The following KIAA0513 variants were observed in gnomAD, a reference collection of about 807,000 sequenced individuals.
KIAA0513 encodes KIAA0513.
KIAA0513 carries 39 observed loss-of-function variants against 56.5 expected under a neutral mutation model. The observed-to-expected ratio is 0.69, with a 90% CI of 0.53 to 0.90. The LOEUF (loss-of-function observed/expected upper bound fraction) is 0.90. Among genes scored for constraint, KIAA0513 ranks in the 40% least tolerant of loss-of-function variants. The probability of loss-of-function intolerance (pLI) is 0.00; values close to 1 mark genes in which losing one functional copy is unlikely to be tolerated. For synonymous variants in KIAA0513, 268 were observed against 215.6 expected (o/e 1.24, Z -2.13); for missense variants, 591 against 535.2 (o/e 1.10, Z -1.03).
In KIAA0513 at chr16:85,066,898, A is replaced by G; in HGVS notation, c.-172-2A>G. The G allele has an allele frequency of 1.9e-6, 1 of 530,140 alleles. No individual in the cohort carries two copies. The highest frequency in any genetic ancestry group is 3.3e-6 in the Non-Finnish European group (1 of 301,582). The allele number at this position is 530,140 out of a possible 1,614,324, so 32.8% of individuals were successfully genotyped here. A position where few individuals can be genotyped will look rare whatever the true frequency, so the allele number is the denominator to read the frequency against. On this transcript the variant is annotated splice_acceptor_variant, in intron 1 of 12. Transcript: ENST00000683363. LOFTEE classifies it low-confidence loss of function (5UTR_SPLICE). ...ATGTCTGTGTCTGTGTTTCCATTCT[A>G]GATGCCGTAGGGCCAGGTGAGCTGC...
In KIAA0513 at chr16:85,066,885, G is replaced by C. The variant is rs1291146984; in HGVS notation, c.-172-15G>C. On this transcript the variant is annotated splice_polypyrimidine_tract_variant and intron_variant, in intron 1 of 12. Coordinates refer to ENST00000683363, the MANE Select transcript of KIAA0513 (RefSeq NM_001388359.1). ...AGGAGTGGCGCTAATGTCTGTGTCT[G>C]TGTTTCCATTCTAGATGCCGTAGGG... 4 of 528,156 alleles carry C rather than the reference G, an allele frequency of 7.6e-6. No homozygotes were observed. Among genetic ancestry groups the C allele is most frequent in the African/African-American group, 3.8e-5 (2 of 51,966 alleles). 32.7% of individuals were successfully genotyped at this position (528,156 alleles called of 1,614,324 possible). A position where few individuals can be genotyped will look rare whatever the true frequency, so the allele number is the denominator to read the frequency against.
At chr16:85,042,059 C>T (rs1047076583) in intron 1 of KIAA0513, among the ~76,000 whole-genome samples, 1 of 152,124 alleles carries the variant, frequency 6.6e-6, no homozygotes, top group Non-Finnish European at 1.5e-5. Context: ...AACACAAAGT[C>T]TAGAATTAAT....
At chr16:85,082,984 G>T (rs1262564907) in intron 10 of KIAA0513, among the ~76,000 whole-genome samples, 2 of 152,280 alleles carry the variant, frequency 1.3e-5, no homozygotes, top group Non-Finnish European at 2.9e-5. Flanking sequence ...AGACCTGAAA[G>T]CCTCACCCTT....
intron 1 of KIAA0513, among the ~76,000 whole-genome samples, chr16:85,058,567 G>A (rs142577309): frequency 1.3e-5 from 2 of 151,530 alleles, no homozygotes; most frequent in African/African-American, 2.4e-5. Flanking sequence ...CAGGAGAATC[G>A]CATGAATCCG....
rs200321460 is a variant in KIAA0513 at position 85,077,575 on chromosome 16, A to G, written c.725A>G (p.Lys242Arg). ...KNTSARTENV[K>R]GFFGGLETKL... ...ACCTCGGCCAGGACTGAGAATGTCA[A>G]GGGCTTCTTCGGGGGGCTGGAGACC... The change falls in exon 6 of 13, where the codon AAG becomes AGG. Residue 242 changes from lysine (K) to arginine (R), a missense_variant. Lys to Arg is a conservative substitution (Grantham distance 26). Transcript: ENST00000683363. 56 of 1,614,004 alleles carry G rather than the reference A, an allele frequency of 3.5e-5. 1 individual carries two copies. The Admixed American group carries it at 8.0e-4, about 23-fold the overall frequency.
chr16:85,067,194 T>C lies in KIAA0513; in HGVS notation c.123T>C (p.Gly41=). ...ACGGCGATGGCTCCCTGGGGGACGG[T>C]GCATCAGAGAGTGAGACCACTGAGT... ...LQDGDGSLGD[G]ASESETTESA... Residue 41 remains glycine, a synonymous_variant, in exon 2 of 13, where the codon GGT becomes GGC. Transcript: ENST00000683363. 6.2e-7 allele frequency: 1 copy of C among 1,614,134 alleles called. No homozygotes were observed. Among genetic ancestry groups the C allele is most frequent in the Non-Finnish European group, 8.5e-7 (1 of 1,180,012 alleles).
chr16:85,071,629 C>T (rs2073574921), intron 2 of KIAA0513, 154 bp from the exon 3 acceptor site: 1 of 184,270 alleles, frequency 5.4e-6, no homozygotes, highest in Non-Finnish European at 1.0e-5. Context: ...CCTCATGGGA[C>T]CGCCCGGAGG....
rs1182582749 is a variant in KIAA0513 at position 85,081,301 on chromosome 16, G to T, written c.903-14G>T. 2.5e-6 allele frequency: 4 copies of T among 1,612,876 alleles called. No individual in the cohort carries two copies. The highest frequency in any genetic ancestry group is 2.2e-5 in the South Asian group (2 of 90,852). On this transcript the variant is annotated splice_polypyrimidine_tract_variant and intron_variant, in intron 8 of 12. Coordinates refer to ENST00000683363, the MANE Select transcript of KIAA0513 (RefSeq NM_001388359.1). This position sits in a 1 kb window ranked among gnomAD's most constrained non-coding sequence, Gnocchi z 4.4. ...TCCCCTTGGAGAGAGTGTGACTGGG[G>T]CTCTGTCTTGCAGGCACACTCTGAG...
chr16:85,039,205 C>G (rs1320427558), intron 1 of KIAA0513, among the ~76,000 whole-genome samples: 1 of 152,196 alleles, frequency 6.6e-6, no homozygotes, highest in African/African-American at 2.4e-5. Flanking sequence ...CCATTGGAAG[C>G]CTATTTTAAC....
At chr16:85,033,012 G>A (rs1010536770) in intron 1 of KIAA0513, among the ~76,000 whole-genome samples, 2 of 152,074 alleles carry the variant, frequency 1.3e-5, no homozygotes, top group Non-Finnish European at 2.9e-5. Flanking sequence ...GGGTTGCGGC[G>A]GGTGTGCCTG....
chr16:85,085,603 T>C (rs1427362313), intron 10 of KIAA0513, among the ~76,000 whole-genome samples: 1 of 152,178 alleles, frequency 6.6e-6, no homozygotes, highest in African/African-American at 2.4e-5. Context: ...ATGGACGTGG[T>C]GTCCAGGGAG....
Position 85,044,296 on chromosome 16 carries a change from C to T in KIAA0513, c.-173+16438C>T, listed in dbSNP as rs182144061. The stretch of plus-strand genomic sequence containing the variant: ...CGCTGTGTGTGCAGGGACTCTAGTC[C>T]CCAGGAAGGCATGTCGAGTGTCCCC... On this transcript the variant is annotated intron_variant, in intron 1 of 12. Coordinates refer to ENST00000683363, the MANE Select transcript of KIAA0513 (RefSeq NM_001388359.1). Among the ~76,000 whole-genome samples, 269 of 152,128 alleles carry T rather than the reference C, an allele frequency of 1.8e-3. 1 individual carries two copies. The highest frequency in any genetic ancestry group is 5.7e-3 in the African/African-American group (238 of 41,482).
chr16:85,037,254 G>C (rs936332039), intron 1 of KIAA0513, among the ~76,000 whole-genome samples: 6 of 152,006 alleles, frequency 3.9e-5, no homozygotes, highest in Admixed American at 6.6e-5. Context: ...TGGCAAAAGT[G>C]ACCAATGAGC....
At chr16:85,032,523 G>A (rs1321202048) in intron 1 of KIAA0513, among the ~76,000 whole-genome samples, 1 of 152,074 alleles carries the variant, frequency 6.6e-6, no homozygotes, top group East Asian at 1.9e-4. Flanking sequence ...GGTAGACATG[G>A]GGTTTCGCCA....
intron 5 of KIAA0513, 78 bp from the exon 6 acceptor site, chr16:85,077,347 G>T (rs1182167900): frequency 3.1e-5 from 43 of 1,370,780 alleles, no homozygotes; most frequent in Non-Finnish European, 4.1e-5. Context: ...CCCCTGCGGG[G>T]CTCCCTCTGG....
intron 1 of KIAA0513, chr16:85,063,114 C>G (rs1335596073): frequency 6.6e-6 from 1 of 152,270 alleles, no homozygotes; most frequent in Non-Finnish European, 1.5e-5. Context: ...CTGTGCCTCT[C>G]CTGTGATATC....
At chr16:85,034,024 C>CT in intron 1 of KIAA0513, among the ~76,000 whole-genome samples, 1 of 152,284 alleles carries the variant, frequency 6.6e-6, no homozygotes, top group East Asian at 1.9e-4. Flanking sequence ...CCCCTCAATC[C>CT]TTCCTTCCTC....
intron 1 of KIAA0513, among the ~76,000 whole-genome samples, chr16:85,058,593 G>A (rs1458065590): frequency 2.6e-5 from 4 of 151,400 alleles, no homozygotes; most frequent in African/African-American, 9.7e-5. Flanking sequence ...CAAAGGTTGC[G>A]GTGAGCCAAG....
chr16:85,044,757 C>G (rs1394173383), intron 1 of KIAA0513, among the ~76,000 whole-genome samples: 1 of 152,042 alleles, frequency 6.6e-6, no homozygotes, highest in Admixed American at 6.5e-5. Context: ...CCGCCTGTCT[C>G]AGCCTCCCAA....
Sources: allele counts gnomAD v4.1 joint callset (sites outside exome capture counted in the v4.1 genomes callset), GRCh38; gene constraint gnomAD v4.1.1; non-coding constraint Gnocchi (gnomAD v3.1); transcripts MANE v1.5; gene names NCBI Gene and HGNC (gene_info 2026-07-23, HGNC 2026-07-21).